NBAS: variants seen among roughly 807,000 people sequenced by gnomAD.
NBAS encodes the protein NAG/BC035112 fusion.
NBAS carries 219 observed loss-of-function variants against 302.5 expected under a neutral mutation model. The observed-to-expected ratio is 0.72, with a 90% CI of 0.65 to 0.81. NBAS has a LOEUF of 0.81. Among genes scored for constraint, NBAS ranks in the 30% least tolerant of loss-of-function variants. NBAS has a pLI of 0.00. For synonymous variants in NBAS, 1,118 were observed against 1,021.6 expected, an observed-to-expected ratio of 1.09 and a Z score of -1.80; for missense variants, 2,932 against 2,841.6, an observed-to-expected ratio of 1.03 and a Z score of -0.72.
At chr2:14,997,983 G>T in the NBAS span, among the ~76,000 whole-genome samples, 2 of 151,946 alleles carry the variant, frequency 1.3e-5, no homozygotes, top group Non-Finnish European at 2.9e-5. Context: ...CTTTCTCCTC[G>T]CTTTTTCCCA....
the NBAS span, among the ~76,000 whole-genome samples, chr2:14,820,472 G>T: frequency 5.3e-3 from 799 of 152,174 alleles, 6 homozygotes; most frequent in African/African-American, 0.018. Flanking sequence ...TAAAACAATT[G>T]AACTCATGGT....
intron 3 of NBAS, 53 bp from the exon 4 acceptor site, chr2:15,554,191 TATGCAGACAAATAGCACATATACTTATAG>T: frequency 7.2e-7 from 1 of 1,393,956 alleles, no homozygotes; most frequent in Non-Finnish European, 1.0e-6. Flanking sequence ...AAACCACATA[TATGCAGACAAATAGCACATATACTTATAG>T]AGAGAGACAC....
intron 47 of NBAS, among the ~76,000 whole-genome samples, chr2:15,225,024 T>A (rs1383140629): frequency 1.3e-5 from 2 of 152,088 alleles, no homozygotes. Flanking sequence ...TTTAGGAAAA[T>A]CATAATCAAG....
the NBAS span, among the ~76,000 whole-genome samples, chr2:15,047,893 G>A: frequency 6.6e-6 from 1 of 152,256 alleles, no homozygotes; most frequent in Non-Finnish European, 1.5e-5. Flanking sequence ...ACTGTAAAAT[G>A]GGGATACTGA....
chr2:15,045,078 C>G, the NBAS span, among the ~76,000 whole-genome samples: 2 of 152,156 alleles, frequency 1.3e-5, no homozygotes, highest in Non-Finnish European at 2.9e-5. Context: ...GATTTCCTCC[C>G]AAAATAAATA....
chr2:15,404,570 T>C (rs547292171), intron 25 of NBAS, among the ~76,000 whole-genome samples: 43 of 151,878 alleles, frequency 2.8e-4, no homozygotes, highest in African/African-American at 1.0e-3. Context: ...TCAAGTGCAG[T>C]GGTGCAATCT....
chr2:14,898,192 A>G, the NBAS span, among the ~76,000 whole-genome samples: 384 of 152,374 alleles, frequency 2.5e-3, 3 homozygotes, highest in Non-Finnish European at 4.4e-3. Flanking sequence ...TGAGGATTTA[A>G]TCAGCTAATT....
chr2:14,811,705 G>A, the NBAS span, among the ~76,000 whole-genome samples: 1 of 152,134 alleles, frequency 6.6e-6, no homozygotes, highest in South Asian at 2.1e-4. Flanking sequence ...TAGATGAGGG[G>A]AAGAAAGTAA....
rs1558462470 is a variant in NBAS at position 15,236,679 on chromosome 2, A to G, written c.5943+1789T>C. ...TTTAAAAATAAGTACTTAAAAATTTATAAGTATAGATCACTTTTCCTTGAA... is the reference window on the plus strand; with the variant it reads ...TTTAAAAATAAGTACTTAAAAATTTGTAAGTATAGATCACTTTTCCTTGAA... On this transcript the variant is annotated intron_variant, in intron 45 of 51. Transcript: ENST00000281513. Among the ~76,000 whole-genome samples the G allele has an allele frequency of 2.6e-5, 4 of 151,948 alleles. No homozygotes were observed. In the South Asian group the frequency reaches 8.3e-4, roughly 32 times the overall value.
At chr2:14,973,362 A>G in the NBAS span, among the ~76,000 whole-genome samples, 1 of 152,238 alleles carries the variant, frequency 6.6e-6, no homozygotes, top group Non-Finnish European at 1.5e-5. Context: ...CTTATATAAA[A>G]TAAACCTCTA....
intron 25 of NBAS, among the ~76,000 whole-genome samples, chr2:15,405,977 A>G (rs1218426533): frequency 6.6e-6 from 1 of 152,122 alleles, no homozygotes; most frequent in African/African-American, 2.4e-5. Flanking sequence ...CATTATACAA[A>G]TATTGGTCTC....
At chr2:15,381,616 T>C (rs4668448) in intron 29 of NBAS, among the ~76,000 whole-genome samples, 97,165 of 152,018 alleles carry the variant, frequency 0.64, 31,787 homozygotes, top group Middle Eastern at 0.69. Flanking sequence ...CAAAATAATG[T>C]CACTCCAATG....
intron 6 of NBAS, among the ~76,000 whole-genome samples, chr2:15,545,044 T>C (rs1419235537): frequency 2.0e-5 from 3 of 151,828 alleles, no homozygotes; most frequent in Non-Finnish European, 2.9e-5. Flanking sequence ...ACCCGCGCTA[T>C]ACCCAAGAAC....
At chr2:15,206,339 A>T (rs1367227736) in intron 48 of NBAS, among the ~76,000 whole-genome samples, 2 of 152,184 alleles carry the variant, frequency 1.3e-5, no homozygotes, top group African/African-American at 2.4e-5. Context: ...ATATGCACAA[A>T]GACAGAGATG....
intron 25 of NBAS, among the ~76,000 whole-genome samples, chr2:15,409,786 G>C (rs901263931): frequency 5.9e-5 from 9 of 152,090 alleles, no homozygotes; most frequent in East Asian, 3.9e-4. Context: ...TCAAAGTTTA[G>C]TTTCCTTTTG....
the NBAS span, among the ~76,000 whole-genome samples, chr2:15,003,052 G>A: frequency 2.0e-5 from 3 of 152,266 alleles, no homozygotes; most frequent in East Asian, 5.8e-4. Flanking sequence ...AGAAGGCGCC[G>A]AGAGCGAGCG....
the NBAS span, among the ~76,000 whole-genome samples, chr2:14,824,995 C>T: frequency 1.3e-5 from 2 of 152,064 alleles, no homozygotes; most frequent in African/African-American, 2.4e-5. Flanking sequence ...TCTGTTCTTT[C>T]GGTGCCCTAG....
the NBAS span, among the ~76,000 whole-genome samples, chr2:14,936,672 A>C: frequency 2.6e-5 from 4 of 152,186 alleles, no homozygotes; most frequent in African/African-American, 9.7e-5. Context: ...ATCTTTTGTC[A>C]AGGGCATCTG....
chr2:14,869,587 C>A, the NBAS span, among the ~76,000 whole-genome samples: 1 of 152,110 alleles, frequency 6.6e-6, no homozygotes, highest in Non-Finnish European at 1.5e-5. Context: ...GCAATCCATA[C>A]CATCGTCCTC....
Sources: allele counts gnomAD v4.1 joint callset (sites outside exome capture counted in the v4.1 genomes callset), GRCh38; gene constraint gnomAD v4.1.1; transcripts MANE v1.5; gene names NCBI Gene and HGNC (gene_info 2026-07-23, HGNC 2026-07-21).